Variants in ZBTB20 observed in about 807,000 individuals in gnomAD.
ZBTB20 encodes the protein zinc finger and BTB domain-containing protein 20.
Under a neutral mutation model 56.9 loss-of-function variants are expected in ZBTB20, and 9 were observed. That is an observed-to-expected ratio of 0.16 (90% CI 0.10 to 0.28). The LOEUF is 0.28. Ranked by LOEUF, ZBTB20 falls within the 10% of genes least tolerant of loss-of-function variation. The pLI, the probability that ZBTB20 is intolerant of heterozygous loss-of-function variation, is 1.00. For synonymous variants in ZBTB20, 417 were observed against 420.7 expected, an observed-to-expected ratio of 0.99 and a Z score of 0.11; for missense variants, 655 against 1,003.0, an observed-to-expected ratio of 0.65 and a Z score of 4.69.
In ZBTB20 at chr3:114,359,494, T is replaced by G. The variant is rs1006377302; in HGVS notation, c.200-7616A>C. The G allele has an allele frequency of 3.3e-5, 5 of 152,300 alleles. No homozygotes were observed. In the East Asian group the frequency reaches 5.8e-4, roughly 18 times the overall value. 9.4% of individuals were successfully genotyped at this position (152,300 alleles called of 1,614,324 possible). On this transcript the variant is annotated intron_variant, in intron 10 of 11. Transcript: ENST00000675478. ...GACTTGCTGGGACTAAGGAAAAAAG[T>G]CAATGAAATCTGAGGTTGATGCCTT...
At chr3:114,907,501 A>T (rs1022933472) in intron 3 of ZBTB20, among the ~76,000 whole-genome samples, 1 of 151,816 alleles carries the variant, frequency 6.6e-6, no homozygotes, top group African/African-American at 2.4e-5. Context: ...TAATCACCCC[A>T]TCCCCATACT....
At chr3:114,530,812 T>C (rs1284591777) in intron 6 of ZBTB20, among the ~76,000 whole-genome samples, 1 of 152,318 alleles carries the variant, frequency 6.6e-6, no homozygotes, top group Admixed American at 6.5e-5. Context: ...TTCTCATCAC[T>C]GCCCCTCCCT....
At chr3:114,831,995 T>C (rs745566237) in intron 4 of ZBTB20, among the ~76,000 whole-genome samples, 16 of 152,266 alleles carry the variant, frequency 1.1e-4, no homozygotes, top group Non-Finnish European at 1.8e-4. Context: ...TTTATATCTG[T>C]TGACATTTCA....
At chr3:114,808,092 A>G (rs886345446) in intron 4 of ZBTB20, among the ~76,000 whole-genome samples, 1 of 152,138 alleles carries the variant, frequency 6.6e-6, no homozygotes, top group African/African-American at 2.4e-5. Context: ...AGTCATCTAC[A>G]TCTAGGATTT....
rs1315434654 is a variant in ZBTB20 at position 114,331,480 on chromosome 3, G to C, written c.*7525C>G. On this transcript the variant is annotated 3_prime_UTR_variant, in exon 12 of 12. Coordinates refer to ENST00000675478, the MANE Select transcript of ZBTB20 (RefSeq NM_001348800.3). ...CCACAAGTCTTAAACACAATGGTGGGAAGAGGCAACTGTATCTATGCACGA... is the reference window on the plus strand; with the variant it reads ...CCACAAGTCTTAAACACAATGGTGGCAAGAGGCAACTGTATCTATGCACGA... The C allele has an allele frequency of 1.3e-5, 2 of 152,144 alleles. No individual in the cohort carries two copies. The highest frequency in any genetic ancestry group is 1.9e-4 in the East Asian group (1 of 5,194). 9.4% of individuals were successfully genotyped at this position (152,144 alleles called of 1,614,324 possible). A position where few individuals can be genotyped will look rare whatever the true frequency, so the allele number is the denominator to read the frequency against.
At position 114,844,537 on chromosome 3, in the gene ZBTB20, A is replaced by AAAAAAC. The variant is rs1553843929; in HGVS notation, c.-416-43364_-416-43363insGTTTTT. Among the ~76,000 whole-genome samples, 1,298 of 138,830 alleles carry AAAAAAC rather than the reference A, an allele frequency of 9.3e-3. 86 individuals are homozygous for AAAAAAC. Among genetic ancestry groups the AAAAAAC allele is most frequent in the Non-Finnish European group, 0.017 (1,059 of 63,464 alleles). 91.1% of individuals were successfully genotyped at this position (138,830 alleles called of 152,430 possible). On this transcript the variant is annotated intron_variant, in intron 4 of 11. Transcript: ENST00000675478. ...CCCTGTCTCAAAAAAAAAAAAAAAA[A>AAAAAAC]AAAAAAAAAAAAAAACTTTCATTTC...
intron 10 of ZBTB20, among the ~76,000 whole-genome samples, chr3:114,372,640 C>A (rs772588148): frequency 6.6e-6 from 1 of 151,970 alleles, no homozygotes; most frequent in Admixed American, 6.6e-5. Flanking sequence ...CCAGCCTGGG[C>A]AACATGATCA....
Position 115,141,333 on chromosome 3 carries a change from C to A in ZBTB20, c.-703+5886G>T, listed in dbSNP as rs1305589546. 2.6e-5 allele frequency among the ~76,000 whole-genome samples: 4 copies of A among 152,240 alleles called. No homozygotes were observed. In the South Asian group the frequency reaches 6.2e-4, roughly 24 times the overall value. ...TGGATTCCTGTTGCTACTTTTTCTT[C>A]CCCCAAACAGCTCAGGAATGGGTTT... On this transcript the variant is annotated intron_variant, in intron 1 of 11. Coordinates refer to ENST00000675478, the MANE Select transcript of ZBTB20 (RefSeq NM_001348800.3).
chr3:115,045,030 T>C (rs1386935749), intron 2 of ZBTB20, among the ~76,000 whole-genome samples: 2 of 152,176 alleles, frequency 1.3e-5, no homozygotes, highest in African/African-American at 2.4e-5. Context: ...CAGCCAGCAA[T>C]GTGCTATACC....
intron 5 of ZBTB20, among the ~76,000 whole-genome samples, chr3:114,796,526 G>A (rs1284253672): frequency 4.0e-5 from 6 of 151,894 alleles, no homozygotes; most frequent in Non-Finnish European, 7.4e-5. Flanking sequence ...CAGTGTTTAG[G>A]ATAAACTGAT....
chr3:114,349,286 C>G (rs2080449435), intron 11 of ZBTB20, among the ~76,000 whole-genome samples: 1 of 151,810 alleles, frequency 6.6e-6, no homozygotes, highest in Non-Finnish European at 1.5e-5. Context: ...TAGGTGACAT[C>G]ACAATCGCTT....
At position 114,753,874 on chromosome 3, in the gene ZBTB20, T is replaced by C. The variant is rs184709920; in HGVS notation, c.-343+47227A>G. On this transcript the variant is annotated intron_variant, in intron 5 of 11. Transcript: ENST00000675478. ...GGCATGGCATTACATCCTCAATAAA[T>C]ATATGTCGAAAAGAAGGAAAAAGGT... Among the ~76,000 whole-genome samples the C allele has an allele frequency of 4.4e-3, 670 of 152,272 alleles. 1 individual carries two copies. Among genetic ancestry groups the C allele is most frequent in the South Asian group, 0.015 (72 of 4,826 alleles).
chr3:114,742,015 C>T (rs1042259976), intron 5 of ZBTB20, among the ~76,000 whole-genome samples: 1 of 151,906 alleles, frequency 6.6e-6, no homozygotes, highest in Non-Finnish European at 1.5e-5. Context: ...TGAAAGCTAC[C>T]AACAACTGAA....
rs1406918000 is a variant in ZBTB20 at position 114,976,910 on chromosome 3, TAAAC to T, written c.-506-2498_-506-2495del. Among the ~76,000 whole-genome samples, 13 of 151,742 alleles carry T rather than the reference TAAAC, an allele frequency of 8.6e-5. No homozygotes were observed. In the East Asian group the frequency reaches 2.1e-3, roughly 25 times the overall value. On this transcript the variant is annotated intron_variant, in intron 2 of 11. Coordinates refer to ENST00000675478, the MANE Select transcript of ZBTB20 (RefSeq NM_001348800.3). ...AATTTTCAGTTCATTAATTAGAAAATAAACAGACTACATGAATATGAAAAAGTCA... is the reference window on the plus strand; with the variant it reads ...AATTTTCAGTTCATTAATTAGAAAATAGACTACATGAATATGAAAAAGTCA...
intron 7 of ZBTB20, among the ~76,000 whole-genome samples, chr3:114,448,827 G>T (rs1267958653): frequency 6.6e-6 from 1 of 152,030 alleles, no homozygotes; most frequent in African/African-American, 2.4e-5. Flanking sequence ...TTTTATTACA[G>T]AAAAATAAAA....
chr3:114,532,829 G>A (rs2048014724), intron 6 of ZBTB20, among the ~76,000 whole-genome samples: 1 of 152,168 alleles, frequency 6.6e-6, no homozygotes, highest in Admixed American at 6.5e-5. Context: ...AGCCTCTGCT[G>A]GTGGTACCCA....
intron 8 of ZBTB20, among the ~76,000 whole-genome samples, chr3:114,382,108 C>G (rs146817762): frequency 0.02 from 3,020 of 152,290 alleles, 52 homozygotes; most frequent in Middle Eastern, 0.031. Flanking sequence ...TTGTCTACCA[C>G]CAGGTTGGAA....
intron 6 of ZBTB20, among the ~76,000 whole-genome samples, chr3:114,539,100 T>C (rs1171168571): frequency 6.6e-6 from 1 of 152,178 alleles, no homozygotes; most frequent in East Asian, 1.9e-4. Flanking sequence ...TTCTTTTTCA[T>C]CCTGTCATCT....
chr3:114,346,885 C>T (rs1440986226), intron 11 of ZBTB20, among the ~76,000 whole-genome samples: 1 of 151,608 alleles, frequency 6.6e-6, no homozygotes, highest in Non-Finnish European at 1.5e-5. Context: ...GGGGTCTTGC[C>T]AAGTTGTCCA....
Sources: gnomAD v4.1 joint callset for allele counts (sites outside exome capture counted in the v4.1 genomes callset) on GRCh38, gnomAD v4.1.1 for gene constraint, MANE v1.5 for transcripts, NCBI Gene and HGNC (gene_info 2026-07-23, HGNC 2026-07-21) for gene names.